Variants in CCND3 observed in about 807,000 individuals in gnomAD.
CCND3 encodes G1/S-specific cyclin-D3.
In CCND3, 9 loss-of-function variants were observed where a neutral mutation model predicts 28.7. The observed-to-expected ratio is 0.31, with a 90% CI of 0.19 to 0.55. The LOEUF (loss-of-function observed/expected upper bound fraction) is 0.55, where lower values mean the gene tolerates loss of function less well. Among genes scored for constraint, CCND3 ranks in the 20% least tolerant of loss-of-function variants. The pLI is 0.93. For synonymous variants in CCND3, 164 were observed against 163.9 expected, an observed-to-expected ratio of 1.00 and a Z score of 0.00; for missense variants, 315 against 385.8, an observed-to-expected ratio of 0.82 and a Z score of 1.54.
intron 1 of CCND3, among the ~76,000 whole-genome samples, chr6:41,985,265 T>C (rs116454779): frequency 0.021 from 3,203 of 151,896 alleles, 109 homozygotes; most frequent in African/African-American, 0.071. Flanking sequence ...CCCTAAGTTT[T>C]CTTCCAGTAG....
In CCND3 at chr6:42,013,997, G is replaced by A. The variant is rs553387007; in HGVS notation, c.-46+34504C>T. ...TGAGGCAGGAGAATGGCGTGAACCC[G>A]GGAGGCGGAGGTTGCAGTGAGCCGA... On this transcript the variant is annotated intron_variant, in intron 1 of 4. Transcript: ENST00000372988. Among the ~76,000 whole-genome samples, 3 of 140,906 alleles carry A rather than the reference G, an allele frequency of 2.1e-5. No individual in the cohort carries two copies. In the East Asian group the frequency reaches 6.5e-4, roughly 30 times the overall value. The allele number at this position is 140,906 out of a possible 152,430, so 92.4% of individuals were successfully genotyped here.
intron 1 of CCND3, among the ~76,000 whole-genome samples, chr6:41,991,544 C>G (rs1762651137): frequency 6.6e-6 from 1 of 152,142 alleles, no homozygotes; most frequent in Non-Finnish European, 1.5e-5. Flanking sequence ...GTACAGTGAT[C>G]AGAGTAATTA....
Position 42,030,932 on chromosome 6 carries a change from G to A in CCND3, c.-46+17569C>T, listed in dbSNP as rs982043586. Among the ~76,000 whole-genome samples, 118 of 152,086 alleles carry A rather than the reference G, an allele frequency of 7.8e-4. 2 individuals carry two copies. Among genetic ancestry groups the A allele is most frequent in the Non-Finnish European group, 2.8e-4 (19 of 68,012 alleles). ...CTGAGTGTGCGTGGATGGGGGTGGGGTGCAGGAAGGCACTTGGGAGAAGTG... is the reference window on the plus strand; with the variant it reads ...CTGAGTGTGCGTGGATGGGGGTGGGATGCAGGAAGGCACTTGGGAGAAGTG... On this transcript the variant is annotated intron_variant, in intron 1 of 4. Transcript: ENST00000372988.
At chr6:42,016,870 C>T (rs1195504471) in intron 1 of CCND3, among the ~76,000 whole-genome samples, 1 of 152,164 alleles carries the variant, frequency 6.6e-6, no homozygotes, top group African/African-American at 2.4e-5. Flanking sequence ...CAGGTGTGAG[C>T]CACCACAACC....
chr6:41,935,020 CT>C lies in CCND3; in HGVS notation c.*919del, dbSNP rs1775720910. On this transcript the variant is annotated 3_prime_UTR_variant, in exon 5 of 5. Coordinates refer to ENST00000372991, the MANE Select transcript of CCND3 (RefSeq NM_001760.5). ...GGGCCACCAGCCTAAACCTTGCAGCCTTAGGAAAGACCTGTGTCAACAGGGC... is the reference window on the plus strand; with the variant it reads ...GGGCCACCAGCCTAAACCTTGCAGCCTAGGAAAGACCTGTGTCAACAGGGC... 1.3e-5 allele frequency: 3 copies of C among 232,810 alleles called. No individual in the cohort carries two copies. The highest frequency in any genetic ancestry group is 5.6e-5 in the Admixed American group (1 of 17,772). 14.4% of individuals were successfully genotyped at this position (232,810 alleles called of 1,614,324 possible).
At chr6:41,948,481 G>A (rs1388302545) in intron 1 of CCND3, among the ~76,000 whole-genome samples, 3 of 151,962 alleles carry the variant, frequency 2.0e-5, no homozygotes, top group Non-Finnish European at 2.9e-5. Flanking sequence ...GACTATAGGC[G>A]TGCACTACCA....
chr6:42,002,604 G>A (rs6935646), intron 1 of CCND3, among the ~76,000 whole-genome samples: 44,447 of 152,056 alleles, frequency 0.29, 6,673 homozygotes, highest in African/African-American at 0.35. Flanking sequence ...TGTAATCCCA[G>A]CACTTTGGGA....
intron 1 of CCND3, among the ~76,000 whole-genome samples, chr6:42,032,338 T>C (rs1049355584): frequency 2.0e-5 from 3 of 152,348 alleles, no homozygotes; most frequent in African/African-American, 7.2e-5. Flanking sequence ...TATCCTGCCT[T>C]GGCCTCCCAA....
At chr6:41,984,344 TTTTGTTTG>T (rs892246499) in intron 1 of CCND3, among the ~76,000 whole-genome samples, 5 of 152,066 alleles carry the variant, frequency 3.3e-5, no homozygotes, top group African/African-American at 9.7e-5. Context: ...AGTTCTGTTT[TTTTGTTTG>T]TTTGTTTGTT....
intron 1 of CCND3, among the ~76,000 whole-genome samples, chr6:41,948,703 G>T (rs1018198851): frequency 6.6e-6 from 1 of 152,032 alleles, no homozygotes; most frequent in East Asian, 1.9e-4. Flanking sequence ...AGCTGGGCAT[G>T]GTGGCGCGTG....
chr6:41,997,338 A>G (rs6904394), intron 1 of CCND3, among the ~76,000 whole-genome samples: 149,202 of 152,258 alleles, frequency 0.98, 73,166 homozygotes, highest in East Asian at 1. Flanking sequence ...TGGCACCTTA[A>G]CAGGCATGCA....
At chr6:41,996,136 A>ATG (rs1284611694) in intron 1 of CCND3, among the ~76,000 whole-genome samples, 1 of 11,258 alleles carries the variant, frequency 8.9e-5, no homozygotes, top group East Asian at 2.0e-3. Context: ...ATATATATAT[A>ATG]TATTTTTTTT....
intron 1 of CCND3, among the ~76,000 whole-genome samples, chr6:41,973,403 T>A (rs896315653): frequency 6.6e-6 from 1 of 152,164 alleles, no homozygotes; most frequent in Non-Finnish European, 1.5e-5. Context: ...ATGGAAACAA[T>A]CAAAATATCC....
chr6:41,954,529 G>A (rs1187987854), intron 1 of CCND3, among the ~76,000 whole-genome samples: 1 of 150,302 alleles, frequency 6.7e-6, no homozygotes, highest in Non-Finnish European at 1.5e-5. Context: ...TCCAGCCTGG[G>A]TGACAGAGCA....
chr6:41,981,508 C>T (rs1048656328), intron 1 of CCND3, among the ~76,000 whole-genome samples: 6 of 125,586 alleles, frequency 4.8e-5, no homozygotes, highest in African/African-American at 1.6e-4. Flanking sequence ...CGGCCATGAG[C>T]CACCACGCCC....
chr6:41,957,932 A>T (rs1776479353), intron 1 of CCND3, among the ~76,000 whole-genome samples: 1 of 149,958 alleles, frequency 6.7e-6, no homozygotes, highest in South Asian at 2.1e-4. Context: ...CAATCCTCCT[A>T]CCTCGGCTTC....
chr6:41,983,221 T>C lies in CCND3; in HGVS notation c.-45-42636A>G, dbSNP rs537612414. Among the ~76,000 whole-genome samples, 4 of 151,832 alleles carry C rather than the reference T, an allele frequency of 2.6e-5. No homozygotes were observed. The South Asian group carries it at 8.3e-4, about 32-fold the overall frequency. On this transcript the variant is annotated intron_variant, in intron 1 of 4. Coordinates refer to the CCND3 transcript ENST00000372988. ...GGCGAAACCCTGTCTGTACTAAAAA[T>C]ACAAAAATTAGCCGGGCATGGTGGC...
At chr6:42,028,971 G>GCT (rs1191162225) in intron 1 of CCND3, among the ~76,000 whole-genome samples, 7 of 137,810 alleles carry the variant, frequency 5.1e-5, no homozygotes, top group African/African-American at 1.9e-4. Flanking sequence ...CCTTGAAACG[G>GCT]TTTTTTTTTT....
In CCND3 at chr6:41,939,712, G is replaced by T. The variant is rs1353044476; in HGVS notation, c.414+658C>A. ...TCCCTCAGCTTGGGCCTTGGGCTAA[G>T]GGGGGAAGAGGGAGCTGTTTCCACC... On this transcript the variant is annotated intron_variant, in intron 2 of 4. Transcript: ENST00000372991. The surrounding 1 kb of genome is among the most constrained non-coding windows in gnomAD (Gnocchi z 4.2). Among the ~76,000 whole-genome samples, 1 of 152,166 alleles carries T rather than the reference G, an allele frequency of 6.6e-6. No homozygotes were observed. Among genetic ancestry groups the T allele is most frequent in the Non-Finnish European group, 1.5e-5 (1 of 68,026 alleles).
Sources: allele counts gnomAD v4.1 joint callset (sites outside exome capture counted in the v4.1 genomes callset), GRCh38; gene constraint gnomAD v4.1.1; non-coding constraint Gnocchi (gnomAD v3.1); transcripts MANE v1.5; gene names NCBI Gene and HGNC (gene_info 2026-07-23, HGNC 2026-07-21).